The following TRPC4 variants were observed in gnomAD, a reference collection of about 807,000 sequenced individuals.
TRPC4 encodes the protein short transient receptor potential channel 4.
A neutral mutation model predicts 99.4 loss-of-function variants in TRPC4; 49 were observed. The ratio of observed to expected loss-of-function variants is 0.49; its 90% CI spans 0.39 to 0.63. The LOEUF is 0.63. TRPC4 is among the 20% of genes least tolerant of loss of function. TRPC4 has a pLI of 0.00. For synonymous variants in TRPC4, 454 were observed against 425.9 expected, an observed-to-expected ratio of 1.07 and a Z score of -0.81; for missense variants, 898 against 1,152.9, an observed-to-expected ratio of 0.78 and a Z score of 3.20.
At chr13:37,816,327 C>T (rs1475979448) in intron 1 of TRPC4, among the ~76,000 whole-genome samples, 1 of 151,938 alleles carries the variant, frequency 6.6e-6, no homozygotes, top group East Asian at 1.9e-4. Flanking sequence ...TTAGACAGAT[C>T]ACTGAGGCAG....
intron 1 of TRPC4, among the ~76,000 whole-genome samples, chr13:37,793,426 T>C (rs141972942): frequency 0.08 from 10,853 of 136,430 alleles, 1,040 homozygotes; most frequent in African/African-American, 0.23. Flanking sequence ...CCTAATGCTA[T>C]CCCTCCCCCC....
Position 37,677,824 on chromosome 13 carries a change from C to T in TRPC4, c.1235-3457G>A, listed in dbSNP as rs553716309. ...AACAACATGAGAACAGCAGAATACA[C>T]ATTTCTTGCTCGTGCACATGGAACA... On this transcript the variant is annotated intron_variant, in intron 4 of 10. Transcript: ENST00000379705. 4.6e-5 allele frequency among the ~76,000 whole-genome samples: 7 copies of T among 152,200 alleles called. No homozygotes were observed. The South Asian group carries it at 6.2e-4, about 14-fold the overall frequency.
At chr13:37,679,687 G>A (rs564047187) in intron 4 of TRPC4, among the ~76,000 whole-genome samples, 3 of 151,996 alleles carry the variant, frequency 2.0e-5, no homozygotes, top group Admixed American at 6.6e-5. Flanking sequence ...TTCTAAATTC[G>A]GCATTTACAT....
intron 6 of TRPC4, among the ~76,000 whole-genome samples, chr13:37,658,750 T>A (rs888468529): frequency 6.6e-6 from 1 of 152,174 alleles, no homozygotes; most frequent in African/African-American, 2.4e-5. Flanking sequence ...TGTTTTTTGG[T>A]AACATGTAGT....
chr13:37,777,493 T>C (rs1333372), intron 2 of TRPC4, among the ~76,000 whole-genome samples: 147,848 of 151,944 alleles, frequency 0.97, 72,047 homozygotes, highest in East Asian at 1. Flanking sequence ...ATTCAATCAC[T>C]TTTCACCAGC....
chr13:37,722,620 T>C (rs1954911519), intron 3 of TRPC4, among the ~76,000 whole-genome samples: 1 of 152,216 alleles, frequency 6.6e-6, no homozygotes, highest in African/African-American at 2.4e-5. Flanking sequence ...ATACACAAGA[T>C]GTTTCTATTT....
At chr13:37,832,618 T>G (rs1958454120) in intron 1 of TRPC4, among the ~76,000 whole-genome samples, 1 of 151,894 alleles carries the variant, frequency 6.6e-6, no homozygotes, top group Admixed American at 6.6e-5. Flanking sequence ...ATGAAACAAA[T>G]AGGAATCGAA....
rs1011344298 is a variant in TRPC4 at position 37,635,602 on chromosome 13, A to G, written c.*1301T>C. Among the ~76,000 whole-genome samples, 1 of 152,136 alleles carries G rather than the reference A, an allele frequency of 6.6e-6. No individual in the cohort carries two copies. Among genetic ancestry groups the G allele is most frequent in the African/African-American group, 2.4e-5 (1 of 41,446 alleles). On this transcript the variant is annotated 3_prime_UTR_variant, in exon 11 of 11. Coordinates refer to ENST00000379705, the MANE Select transcript of TRPC4 (RefSeq NM_016179.4). Reference sequence around the variant, plus strand: ...AATAAAATGAACTTAGCATTTTTCTATTGATTTGAAATAAATGCTAATTTT... The same window carrying G: ...AATAAAATGAACTTAGCATTTTTCTGTTGATTTGAAATAAATGCTAATTTT...
chr13:37,637,435 G>T lies in TRPC4; in HGVS notation c.2402C>A (p.Thr801Asn). ...TGCTGCTGATCTCGGATGAATCAGGGTGGTTAAATCAAAAAGGCTGAAATT... is the reference window on the plus strand; with the variant it reads ...TGCTGCTGATCTCGGATGAATCAGGTTGGTTAAATCAAAAAGGCTGAAATT... ...KKNFSLFDLTTLIHPRSAAIA... is the reference protein window; with the variant it reads ...KKNFSLFDLTNLIHPRSAAIA... The change falls in exon 11 of 11, where the codon ACC becomes AAC. Residue 801 changes from threonine (T) to asparagine (N), a missense_variant. By Grantham distance (65) the Thr-to-Asn change is moderately conservative. This residue lies in a region of TRPC4 where 346 missense variants were observed against 351.4 expected (regional missense o/e 0.98). Coordinates refer to ENST00000379705, the MANE Select transcript of TRPC4 (RefSeq NM_016179.4). 6.2e-7 allele frequency: 1 copy of T among 1,613,706 alleles called. No individual in the cohort carries two copies.
intron 3 of TRPC4, among the ~76,000 whole-genome samples, chr13:37,703,885 T>A (rs1954183347): frequency 6.6e-6 from 1 of 152,068 alleles, no homozygotes; most frequent in Non-Finnish European, 1.5e-5. Flanking sequence ...AAATAAAAAT[T>A]TATATACATA....
At chr13:37,662,612 T>C (rs952132733) in intron 6 of TRPC4, among the ~76,000 whole-genome samples, 1 of 152,238 alleles carries the variant, frequency 6.6e-6, no homozygotes, top group Admixed American at 6.5e-5. Flanking sequence ...AAGGTATGAC[T>C]TTTAAAGTCA....
intron 3 of TRPC4, among the ~76,000 whole-genome samples, chr13:37,705,883 C>T (rs959554500): frequency 2.6e-5 from 4 of 152,110 alleles, no homozygotes; most frequent in Non-Finnish European, 4.4e-5. Flanking sequence ...CCTTCCTCAC[C>T]GTTACAGGTT....
chr13:37,697,026 G>A (rs1953926681), intron 3 of TRPC4, among the ~76,000 whole-genome samples: 1 of 149,828 alleles, frequency 6.7e-6, no homozygotes, highest in South Asian at 2.1e-4. Flanking sequence ...ACCTCTGGTC[G>A]TGCTCTTCAT....
At position 37,842,328 on chromosome 13, in the gene TRPC4, A is replaced by ATG. The variant is rs71198455; in HGVS notation, c.-28+27265_-28+27266dup. On this transcript the variant is annotated intron_variant, in intron 1 of 10. Coordinates refer to ENST00000379705, the MANE Select transcript of TRPC4 (RefSeq NM_016179.4). ...ACACATTAGTGGTTTCTAGCAATTA[A>ATG]TGATAGCGTCTAGCCAAAAAAAAAA... Among the ~76,000 whole-genome samples the ATG allele has an allele frequency of 8.1e-3, 1,039 of 129,014 alleles. 13 individuals are homozygous for ATG. Among genetic ancestry groups the ATG allele is most frequent in the Non-Finnish European group, 0.014 (854 of 61,514 alleles). The allele number at this position is 129,014 out of a possible 152,430, so 84.6% of individuals were successfully genotyped here.
At chr13:37,655,626 G>C (rs969325458) in intron 6 of TRPC4, among the ~76,000 whole-genome samples, 1 of 151,770 alleles carries the variant, frequency 6.6e-6, no homozygotes, top group African/African-American at 2.4e-5. Context: ...AATCAAAAGA[G>C]TGATATTTTA....
intron 8 of TRPC4, 113 bp downstream of exon 8, chr13:37,651,152 T>C (rs1403256039): frequency 7.8e-6 from 9 of 1,159,280 alleles, no homozygotes; most frequent in Admixed American, 2.2e-5. Flanking sequence ...GTTCATGACA[T>C]GCAATCAGTA....
chr13:37,728,869 A>G (rs1955152309), intron 3 of TRPC4, among the ~76,000 whole-genome samples: 1 of 152,144 alleles, frequency 6.6e-6, no homozygotes, highest in African/African-American at 2.4e-5. Context: ...CCTAGAAATG[A>G]GCCCTCACAT....
intron 3 of TRPC4, among the ~76,000 whole-genome samples, chr13:37,695,117 CT>C (rs1013545516): frequency 6.6e-5 from 10 of 152,014 alleles, no homozygotes; most frequent in African/African-American, 2.4e-4. Flanking sequence ...GATTAAATCA[CT>C]TCAATTATCT....
chr13:37,827,263 T>A (rs576618219), intron 1 of TRPC4, among the ~76,000 whole-genome samples: 1 of 152,326 alleles, frequency 6.6e-6, no homozygotes, highest in African/African-American at 2.4e-5. Flanking sequence ...GAAGCCTTCT[T>A]CTCTCAGCTC....
Sources: gnomAD v4.1 joint callset for allele counts (sites outside exome capture counted in the v4.1 genomes callset) on GRCh38, gnomAD v4.1.1 for gene constraint, gnomAD v4.1.1 regional missense constraint, MANE v1.5 for transcripts, NCBI Gene and HGNC (gene_info 2026-07-23, HGNC 2026-07-21) for gene names.